The following CXADR variants were observed in gnomAD, a reference collection of about 807,000 sequenced individuals.
The protein encoded by CXADR is CXADR cell adhesion molecule.
Under a neutral mutation model 40.3 loss-of-function variants are expected in CXADR, and 20 were observed. The ratio of observed to expected loss-of-function variants is 0.50; its 90% CI spans 0.35 to 0.72. The LOEUF (loss-of-function observed/expected upper bound fraction) is 0.72. Among genes scored for constraint, CXADR ranks in the 30% least tolerant of loss-of-function variants. The pLI is 0.01. For synonymous variants in CXADR, 150 were observed against 161.3 expected, an observed-to-expected ratio of 0.93 and a Z score of 0.53; for missense variants, 332 against 449.1, an observed-to-expected ratio of 0.74 and a Z score of 2.36.
intron 6 of CXADR, among the ~76,000 whole-genome samples, chr21:17,562,206 ATC>A (rs2061132926): frequency 6.6e-6 from 1 of 152,194 alleles, no homozygotes; most frequent in African/African-American, 2.4e-5. Flanking sequence ...GTGAGTCTTA[ATC>A]TCTCTGCTGG....
intron 1 of CXADR, among the ~76,000 whole-genome samples, chr21:17,530,743 G>A (rs984305570): frequency 7.2e-5 from 11 of 152,300 alleles, no homozygotes; most frequent in South Asian, 6.2e-4. Flanking sequence ...GAGCCCAGGA[G>A]GCAGAGGTTG....
chr21:17,589,240 C>T (rs1049307508), intron 7 of CXADR, among the ~76,000 whole-genome samples: 15 of 151,972 alleles, frequency 9.9e-5, no homozygotes, highest in Non-Finnish European at 7.4e-5. Flanking sequence ...TCCTTGTAGA[C>T]ACAGTATGAT....
At chr21:17,542,037 C>T (rs767689862) in intron 1 of CXADR, 15 of 359,502 alleles carry the variant, frequency 4.2e-5, no homozygotes, top group Non-Finnish European at 7.0e-5. Context: ...CTGTTTTTGC[C>T]AAATGGTGAT....
At chr21:17,635,234 G>A in the CXADR span, among the ~76,000 whole-genome samples, 48 of 152,324 alleles carry the variant, frequency 3.2e-4, no homozygotes, top group African/African-American at 1.1e-3. Flanking sequence ...GGCACACAGA[G>A]CACTAAAGTT....
rs1281332734 is a variant in CXADR, at chr21:17,569,219, T to G, written c.*3527T>G. 16 of 985,264 alleles carry G rather than the reference T, an allele frequency of 1.6e-5. No homozygotes were observed. Among genetic ancestry groups the G allele is most frequent in the African/African-American group, 1.7e-5 (1 of 57,220 alleles). The allele number at this position is 985,264 out of a possible 1,614,324, so 61.0% of individuals were successfully genotyped here. ...TTTCTTCTAATTTTCACTTCAGCAG[T>G]GTTTAGGGCTTTCAGATGCCTTATT... On this transcript the variant is annotated 3_prime_UTR_variant, in exon 7 of 7. Transcript: ENST00000284878.
At chr21:17,593,803 TAC>T (rs1277478847), downstream of CXADR, 2 of 324,434 alleles carry the variant, frequency 6.2e-6, no homozygotes, top group Non-Finnish European at 1.1e-5. Context: ...CGTCCACTTC[TAC>T]AGTGTTCTCG....
intron 1 of CXADR, among the ~76,000 whole-genome samples, chr21:17,534,809 G>T: frequency 2.5e-5 from 2 of 78,554 alleles, no homozygotes; most frequent in African/African-American, 5.5e-5. Context: ...TTTTTGAGAA[G>T]GACTCTTGCT....
At chr21:17,593,098 CT>C in intron 7 of CXADR, 1 of 1,288,764 alleles carries the variant, frequency 7.8e-7, no homozygotes, top group Non-Finnish European at 1.0e-6. Context: ...AAAAATTTAC[CT>C]TTGGAGAAAA....
At chr21:17,594,043 G>GT, downstream of CXADR, 1 of 1,587,454 alleles carries the variant, frequency 6.3e-7, no homozygotes, top group Non-Finnish European at 8.6e-7. Flanking sequence ...GTGTAGTAAG[G>GT]TTTATTCTAC....
intron 1 of CXADR, among the ~76,000 whole-genome samples, chr21:17,538,946 T>C (rs2060793917): frequency 6.6e-6 from 1 of 152,188 alleles, no homozygotes; most frequent in South Asian, 2.1e-4. Context: ...ACGTGAAAGA[T>C]AATAGTGGCC....
the CXADR span, among the ~76,000 whole-genome samples, chr21:17,621,607 C>T: frequency 1.7e-3 from 255 of 152,258 alleles, no homozygotes; most frequent in Non-Finnish European, 2.8e-3. Context: ...CATGAGGGCT[C>T]CTCTCTCATG....
chr21:17,601,891 GAC>G, the CXADR span, among the ~76,000 whole-genome samples: 1 of 152,170 alleles, frequency 6.6e-6, no homozygotes, highest in African/African-American at 2.4e-5. Context: ...AGATTTCTTT[GAC>G]ACCTAGTTTG....
At chr21:17,564,692 A>G (rs2061178935) in intron 6 of CXADR, among the ~76,000 whole-genome samples, 2 of 152,068 alleles carry the variant, frequency 1.3e-5, no homozygotes, top group African/African-American at 4.8e-5. Context: ...TAATATAAAA[A>G]GAATTTTTTC....
At chr21:17,545,866 G>A (rs1368999372) in intron 1 of CXADR, among the ~76,000 whole-genome samples, 2 of 146,844 alleles carry the variant, frequency 1.4e-5, no homozygotes, top group Admixed American at 6.9e-5. Context: ...TGCAACCTCC[G>A]CCTCCCAGGT....
intron 1 of CXADR, among the ~76,000 whole-genome samples, chr21:17,513,460 G>T (rs1221778374): frequency 1.3e-5 from 2 of 152,170 alleles, no homozygotes; most frequent in Non-Finnish European, 2.9e-5. Context: ...GGTGCGCCTC[G>T]CAGCTCTCCC....
chr21:17,550,036 A>T lies in CXADR; in HGVS notation c.211-1713A>T, dbSNP rs115140927. On this transcript the variant is annotated intron_variant, in intron 2 of 6. Transcript: ENST00000284878. The stretch of plus-strand genomic sequence containing the variant: ...TACTTAGCAAACTGGTATTGAGCGC[A>T]ACCTAGATGCACACAGTTCATATAT... Among the ~76,000 whole-genome samples the T allele has an allele frequency of 5.2e-3, 799 of 152,258 alleles. 10 individuals carry two copies. Among genetic ancestry groups the T allele is most frequent in the African/African-American group, 0.018 (741 of 41,564 alleles).
In CXADR at chr21:17,563,940, C is replaced by CAAAAA. The variant is rs35020228; in HGVS notation, c.834-1471_834-1467dup. 3.1e-3 allele frequency among the ~76,000 whole-genome samples: 117 copies of CAAAAA among 37,180 alleles called. 7 individuals are homozygous for CAAAAA. Among genetic ancestry groups the CAAAAA allele is most frequent in the East Asian group, 0.012 (13 of 1,080 alleles). 24.4% of individuals were successfully genotyped at this position (37,180 alleles called of 152,430 possible). ...TGGGCAACAGAGCAAGACTCTGTCT[C>CAAAAA]AAAAAAAAAAAAAAAAAAAAAGGTA... On this transcript the variant is annotated intron_variant, in intron 6 of 6. Coordinates refer to ENST00000284878, the MANE Select transcript of CXADR (RefSeq NM_001338.5).
chr21:17,529,530 A>G (rs2060643244), intron 1 of CXADR, among the ~76,000 whole-genome samples: 2 of 152,290 alleles, frequency 1.3e-5, no homozygotes, highest in African/African-American at 4.8e-5. Context: ...CATGTTGGCC[A>G]GGCTGATCTC....
At chr21:17,609,693 T>G in the CXADR span, among the ~76,000 whole-genome samples, 1 of 152,178 alleles carries the variant, frequency 6.6e-6, no homozygotes, top group East Asian at 1.9e-4. Flanking sequence ...AAAACATATG[T>G]CCACACCAAA....
Sources: allele counts gnomAD v4.1 joint callset (sites outside exome capture counted in the v4.1 genomes callset), GRCh38; gene constraint gnomAD v4.1.1; transcripts MANE v1.5; gene names NCBI Gene and HGNC (gene_info 2026-07-23, HGNC 2026-07-21).